The following COL1A2 variants were observed in gnomAD, a reference collection of about 807,000 sequenced individuals.
COL1A2 encodes collagen alpha-2(I) chain.
COL1A2 carries 49 observed loss-of-function variants against 174.3 expected under a neutral mutation model. The ratio of observed to expected loss-of-function variants is 0.28; its 90% CI spans 0.22 to 0.36. The LOEUF (loss-of-function observed/expected upper bound fraction) is 0.36. Ranked by LOEUF, COL1A2 falls within the 10% of genes least tolerant of loss-of-function variation. The probability of loss-of-function intolerance (pLI) is 1.00; values close to 1 mark genes in which losing one functional copy is unlikely to be tolerated. For synonymous variants in COL1A2, 655 were observed against 606.6 expected (o/e 1.08, Z -1.17); for missense variants, 1,438 against 1,822.7 (o/e 0.79, Z 3.84).
Position 94,409,329 on chromosome 7 carries a change from T to C in COL1A2, c.800T>C (p.Ile267Thr). 1.2e-6 allele frequency: 2 copies of C among 1,614,164 alleles called. No homozygotes were observed. The highest frequency in any genetic ancestry group is 1.7e-6 in the Non-Finnish European group (2 of 1,179,988). Reference protein sequence around the residue: ...FPGAPGPKGEIGAVGNAGPAG... With the variant: ...FPGAPGPKGETGAVGNAGPAG... ...TTTAATTTCCTCTTTTAGGGTGAAA[T>C]TGGAGCTGTTGGTAACGCTGGTCCT... is the stretch of plus-strand genomic sequence containing the variant. The change falls in exon 17 of 52, where the codon ATT becomes ACT. Residue 267 changes from isoleucine to threonine, a missense_variant. Ile to Thr is a moderately conservative substitution (Grantham distance 89). Transcript: ENST00000297268.
At chr7:94,421,188 C>A in intron 38 of COL1A2, 126 bp downstream of exon 38, 1 of 898,314 alleles carries the variant, frequency 1.1e-6, no homozygotes, top group Non-Finnish European at 1.8e-6. Flanking sequence ...CAAGTTCATT[C>A]TATTCAGAGC....
chr7:94,401,379 C>T (rs1791684349), intron 5 of COL1A2, among the ~76,000 whole-genome samples, 188 bp from the exon 6 acceptor site: 1 of 152,116 alleles, frequency 6.6e-6, no homozygotes, highest in Non-Finnish European at 1.5e-5. Context: ...TTTTGACGTA[C>T]AGCTCTCATA....
chr7:94,407,842 T>C lies in COL1A2; in HGVS notation c.595-5T>C, dbSNP rs372972440. The C allele has an allele frequency of 5.0e-6, 8 of 1,613,778 alleles. No individual in the cohort carries two copies. Among genetic ancestry groups the C allele is most frequent in the Non-Finnish European group, 4.2e-6 (5 of 1,179,738 alleles). On this transcript the variant is annotated splice_region_variant and splice_polypyrimidine_tract_variant and intron_variant, in intron 12 of 51. Transcript: ENST00000297268. ...TGAACAAAAACTCAATCCTTCTCCA[T>C]GTAGGGTGAACCTGGTGCCCCTGGT...
chr7:94,405,930 G>A (rs945611883), intron 11 of COL1A2, among the ~76,000 whole-genome samples: 2 of 152,088 alleles, frequency 1.3e-5, no homozygotes, highest in African/African-American at 4.8e-5. Context: ...CAAAAAACAG[G>A]CTCACTACAG....
chr7:94,429,545 G>T, intron 51 of COL1A2, 115 bp downstream of exon 51: 1 of 1,054,564 alleles, frequency 9.5e-7, no homozygotes, highest in South Asian at 1.4e-5. Context: ...AAGAATGAGA[G>T]AACTAACTTA....
In COL1A2 at chr7:94,418,629, T is replaced by G; in HGVS notation, c.2025+77T>G. 20 of 1,131,960 alleles carry G rather than the reference T, an allele frequency of 1.8e-5. No homozygotes were observed. In the South Asian group the frequency reaches 2.6e-4, roughly 14 times the overall value. 70.1% of individuals were successfully genotyped at this position (1,131,960 alleles called of 1,614,324 possible). On this transcript the variant is annotated intron_variant, in intron 33 of 51. Coordinates refer to ENST00000297268, the MANE Select transcript of COL1A2 (RefSeq NM_000089.4). Reference sequence around the variant, plus strand: ...GTTTGAATTGAGAAGTTTTCCAAATTAGAACTACACACACTTTATTTATCA... The same window carrying G: ...GTTTGAATTGAGAAGTTTTCCAAATGAGAACTACACACACTTTATTTATCA...
Position 94,429,056 on chromosome 7 carries a change from C to T in COL1A2, c.3712-132C>T, listed in dbSNP as rs1792343977. On this transcript the variant is annotated intron_variant, in intron 50 of 51. Transcript: ENST00000297268. ...GTGAATTAAGTTTTCTTTAAAAGTA[C>T]CCTTTTCCTAAGCTTGGATCTGAGT... 10 of 744,250 alleles carry T rather than the reference C, an allele frequency of 1.3e-5. No individual in the cohort carries two copies. The East Asian group carries it at 2.7e-4, about 20-fold the overall frequency. The allele number at this position is 744,250 out of a possible 1,614,324, so 46.1% of individuals were successfully genotyped here.
At chr7:94,408,721 C>T (rs1471455739) in intron 15 of COL1A2, 49 bp from the exon 16 acceptor site, 1 of 1,595,230 alleles carries the variant, frequency 6.3e-7, no homozygotes, top group Middle Eastern at 1.7e-4. Context: ...TTATTGTTTT[C>T]TTAATTTACT....
chr7:94,427,531 G>A, intron 48 of COL1A2, 96 bp from the exon 49 acceptor site: 1 of 1,410,548 alleles, frequency 7.1e-7, no homozygotes, highest in Non-Finnish European at 1.0e-6. Flanking sequence ...ATGAGAACAT[G>A]CTTCCGTGTG....
intron 40 of COL1A2, 28 bp downstream of exon 40, chr7:94,423,146 A>G: frequency 6.2e-7 from 1 of 1,612,912 alleles, no homozygotes. Flanking sequence ...CCTCTTTCTT[A>G]ATACCTTATG....
intron 43 of COL1A2, 42 bp from the exon 44 acceptor site, chr7:94,425,708 T>C: frequency 1.2e-6 from 2 of 1,614,098 alleles, no homozygotes; most frequent in Non-Finnish European, 1.7e-6. Flanking sequence ...GTGATTAAAA[T>C]GCAACCCAGA....
intron 48 of COL1A2, 28 bp downstream of exon 48, chr7:94,427,323 G>A: frequency 6.4e-7 from 1 of 1,561,994 alleles, no homozygotes; most frequent in Non-Finnish European, 8.7e-7. Context: ...AAATAATAAA[G>A]AAGATCACGG....
intron 1 of COL1A2, 150 bp from the exon 2 acceptor site, chr7:94,397,598 G>T (rs1029888106): frequency 2.0e-6 from 1 of 506,310 alleles, no homozygotes; most frequent in Non-Finnish European, 3.6e-6. Flanking sequence ...ATAATTTCTA[G>T]GTCATTAAAA....
chr7:94,396,935 G>C lies in COL1A2; in HGVS notation c.71-813G>C, dbSNP rs1003123407. Among the ~76,000 whole-genome samples the C allele has an allele frequency of 2.0e-5, 3 of 152,100 alleles. No individual in the cohort carries two copies. The South Asian group carries it at 6.2e-4, about 32-fold the overall frequency. ...TTAACCTATAATTTTTGTACCGTAG[G>C]AGAAGAATTCACTCTTTAAGGACTT... On this transcript the variant is annotated intron_variant, in intron 1 of 51. Coordinates refer to ENST00000297268, the MANE Select transcript of COL1A2 (RefSeq NM_000089.4).
chr7:94,395,122 T>G, intron 1 of COL1A2, 21 bp downstream of exon 1: 1 of 1,607,464 alleles, frequency 6.2e-7, no homozygotes. Context: ...TCAGCTTGTT[T>G]GGGGGAGACT....
intron 45 of COL1A2, 71 bp from the exon 46 acceptor site, chr7:94,426,352 A>C: frequency 1.5e-6 from 2 of 1,306,064 alleles, no homozygotes; most frequent in Non-Finnish European, 2.2e-6. Flanking sequence ...CGAATTAAGC[A>C]GTATTTGTGG....
At chr7:94,425,314 A>C in intron 42 of COL1A2, 90 bp downstream of exon 42, 1 of 1,253,230 alleles carries the variant, frequency 8.0e-7, no homozygotes, top group Non-Finnish European at 1.2e-6. Flanking sequence ...TCTTCTTCCA[A>C]ATTTCTGAAC....
intron 5 of COL1A2, among the ~76,000 whole-genome samples, chr7:94,400,897 G>A (rs533043439): frequency 6.6e-6 from 1 of 152,240 alleles, no homozygotes; most frequent in South Asian, 2.1e-4. Context: ...CCAACTGTAT[G>A]TCAGTAAAAT....
rs148362963 is a variant in COL1A2, at chr7:94,425,767, T to C, written c.2853T>C (p.Pro951=). 271 of 1,613,390 alleles carry C rather than the reference T, an allele frequency of 1.7e-4. No homozygotes were observed. Among genetic ancestry groups the C allele is most frequent in the Non-Finnish European group, 2.0e-4 (238 of 1,179,754 alleles). ...QPGHKGERGY[P]GNIGPVGAAG... ...TTTGGTAGGGAGAGCGCGGTTACCC[T>C]GGCAATATTGGTCCCGTTGGTGCTG... is the stretch of plus-strand genomic sequence containing the variant. Residue 951 remains proline, a synonymous_variant, in exon 44 of 52, where the codon CCT becomes CCC. Transcript: ENST00000297268.
Sources: gnomAD v4.1 joint callset for allele counts (sites outside exome capture counted in the v4.1 genomes callset) on GRCh38, gnomAD v4.1.1 for gene constraint, MANE v1.5 for transcripts, NCBI Gene and HGNC (gene_info 2026-07-23, HGNC 2026-07-21) for gene names.